Variants in DNHD1 observed in about 807,000 individuals in gnomAD.
DNHD1 encodes dynein heavy chain domain 1.
In DNHD1, 383 loss-of-function variants were observed where a neutral mutation model predicts 458.1. The observed-to-expected ratio is 0.84, with a 90% CI of 0.77 to 0.91. DNHD1 has a LOEUF of 0.91. Ranked by LOEUF, DNHD1 falls within the 40% of genes least tolerant of loss-of-function variation. DNHD1 has a pLI of 0.00. For missense variants in DNHD1, 5,336 were observed against 5,866.1 expected, an observed-to-expected ratio of 0.91 and a Z score of 2.95; for synonymous variants, 2,203 against 2,376.9, an observed-to-expected ratio of 0.93 and a Z score of 2.13.
chr11:6,516,855 T>G (rs1852480948), intron 7 of DNHD1, among the ~76,000 whole-genome samples: 3 of 152,204 alleles, frequency 2.0e-5, no homozygotes, highest in South Asian at 4.1e-4. Context: ...TTCCCTTCTC[T>G]CTTCCTCCCT....
In DNHD1 at chr11:6,563,913, C is replaced by G. The variant is rs149275845; in HGVS notation, c.10073C>G (p.Thr3358Ser). Residue 3358 changes from threonine to serine, a missense_variant, in exon 31 of 43, where the codon ACT becomes AGT. Transcript: ENST00000254579. ...CTGCAGCAAGTGGAGGCAACACTCA[C>G]TCGGGAGCAGGCCCGCCTGGGCTAC... The part of the protein sequence containing the change: ...LLLQQVEATL[T>S]REQARLGYYQ... 335 of 1,551,716 alleles carry G rather than the reference C, an allele frequency of 2.2e-4. 2 individuals carry two copies. The East Asian group carries it at 8.0e-3, about 37-fold the overall frequency.
At chr11:6,537,886 A>G (rs1439527339) in intron 14 of DNHD1, among the ~76,000 whole-genome samples, 1 of 152,108 alleles carries the variant, frequency 6.6e-6, no homozygotes, top group Non-Finnish European at 1.5e-5. Flanking sequence ...AGCCGAGATC[A>G]CGCCACTGCA....
At position 6,567,549 on chromosome 11, in the gene DNHD1, C is replaced by A. The variant is rs199834293; in HGVS notation, c.12040C>A (p.Gln4014Lys). Residue 4014 changes from glutamine (Q) to lysine (K), a missense_variant, in exon 36 of 43, where the codon CAG becomes AAG. Physicochemically the swap from Gln to Lys is moderately conservative, Grantham distance 53 (BLOSUM62 1). Transcript: ENST00000254579. ...ASLAGHSSAW[Q>K]AYLSLSSTVL... ...CCTGGCAGGCCACTCCAGTGCTTGG[C>A]AGGCTTACCTGTCACTGTCATCCAC... 53 of 1,612,820 alleles carry A rather than the reference C, an allele frequency of 3.3e-5. No individual in the cohort carries two copies. The highest frequency in any genetic ancestry group is 4.4e-5 in the Non-Finnish European group (52 of 1,179,446).
chr11:6,531,244 C>T (rs528424531), intron 12 of DNHD1, among the ~76,000 whole-genome samples: 2 of 152,264 alleles, frequency 1.3e-5, no homozygotes, highest in African/African-American at 2.4e-5. Flanking sequence ...CAACAAATGG[C>T]GTAATTATAC....
chr11:6,570,686 C>T lies in DNHD1; in HGVS notation c.13174C>T (p.Pro4392Ser). 2 of 1,611,854 alleles carry T rather than the reference C, an allele frequency of 1.2e-6. No homozygotes were observed. The highest frequency in any genetic ancestry group is 1.7e-6 in the Non-Finnish European group (2 of 1,179,040). The change falls in exon 42 of 43, where the codon CCC becomes TCC. Residue 4392 changes from proline (P) to serine (S), a missense_variant. By Grantham distance (74) the Pro-to-Ser change is moderately conservative. Around this residue, in one of 4 missense-constraint regions of DNHD1, gnomAD observed 698 missense variants for 664.9 expected, o/e 1.05. Coordinates refer to ENST00000254579, the MANE Select transcript of DNHD1 (RefSeq NM_144666.3). ...QMHLLPSPPEPRLCGLSEGPQ... is the reference protein window; with the variant it reads ...QMHLLPSPPESRLCGLSEGPQ... ...GCACCTACTGCCCTCACCACCTGAA[C>T]CCCGGCTCTGCGGACTGAGTGAGGG... is the stretch of plus-strand genomic sequence containing the variant.
intron 7 of DNHD1, among the ~76,000 whole-genome samples, chr11:6,514,626 G>A (rs1299359787): frequency 6.7e-6 from 1 of 148,246 alleles, no homozygotes; most frequent in Admixed American, 6.8e-5. Flanking sequence ...AAACTTATTA[G>A]AATTGTAAAG....
In DNHD1 at chr11:6,539,242, A is replaced by G; in HGVS notation, c.3349A>G (p.Thr1117Ala). ...LRALGLGSLQ[T>A]IELLTLGQLL... Reference sequence around the variant, plus strand: ...AGCCCTTGGGCTGGGCAGTCTCCAAACTATAGAACTCCTAACGCTGGGCCA... The same window carrying G: ...AGCCCTTGGGCTGGGCAGTCTCCAAGCTATAGAACTCCTAACGCTGGGCCA... The change falls in exon 17 of 43, where the codon ACT (threonine) becomes GCT (alanine). Residue 1117 changes from threonine to alanine, a missense_variant. By Grantham distance (58) the Thr-to-Ala change is moderately conservative. Coordinates refer to ENST00000254579, the MANE Select transcript of DNHD1 (RefSeq NM_144666.3). 6.4e-7 allele frequency: 1 copy of G among 1,551,538 alleles called. No individual in the cohort carries two copies. Among genetic ancestry groups the G allele is most frequent in the East Asian group, 2.4e-5 (1 of 40,900 alleles).
chr11:6,569,334 T>C (rs976345345), intron 39 of DNHD1, among the ~76,000 whole-genome samples: 5 of 152,042 alleles, frequency 3.3e-5, no homozygotes, highest in African/African-American at 1.2e-4. Context: ...ATACAAAAAC[T>C]TAGCCAGGCA....
At chr11:6,511,083 A>G (rs1852327647) in intron 6 of DNHD1, among the ~76,000 whole-genome samples, 190 bp from the exon 7 acceptor site, 1 of 152,230 alleles carries the variant, frequency 6.6e-6, no homozygotes, top group Admixed American at 6.5e-5. Context: ...TAGCTGAGAA[A>G]GCAGCTTTAT....
intron 10 of DNHD1, 62 bp downstream of exon 10, chr11:6,520,351 A>T: frequency 6.4e-7 from 1 of 1,550,934 alleles, no homozygotes; most frequent in Non-Finnish European, 8.7e-7. Flanking sequence ...CACAAGTACT[A>T]ATGGCATGGG....
intron 12 of DNHD1, among the ~76,000 whole-genome samples, chr11:6,530,247 A>G (rs1852798621): frequency 6.6e-6 from 1 of 152,162 alleles, no homozygotes; most frequent in Non-Finnish European, 1.5e-5. Context: ...AACCCATCTC[A>G]GGTTCCCTCC....
rs189170609 is a variant in DNHD1, at chr11:6,507,109, C to G, written c.921-1771C>G. On this transcript the variant is annotated intron_variant, in intron 4 of 42. Coordinates refer to ENST00000254579, the MANE Select transcript of DNHD1 (RefSeq NM_144666.3). The stretch of plus-strand genomic sequence containing the variant: ...CTACTCTCTAGTATCATGTCATACT[C>G]CAGTTGATTCTGAGCCCTTTGAGGA... Among the ~76,000 whole-genome samples, 26 of 152,286 alleles carry G rather than the reference C, an allele frequency of 1.7e-4. No homozygotes were observed. The East Asian group carries it at 5.0e-3, about 29-fold the overall frequency.
intron 10 of DNHD1, 149 bp downstream of exon 10, chr11:6,520,438 AT>A (rs1218389290): frequency 6.7e-7 from 1 of 1,487,676 alleles, no homozygotes. Flanking sequence ...TACTGCACAT[AT>A]GTGTTGTGGG....
intron 10 of DNHD1, among the ~76,000 whole-genome samples, chr11:6,526,078 A>T (rs1240362923): frequency 6.6e-6 from 1 of 151,854 alleles, no homozygotes; most frequent in Non-Finnish European, 1.5e-5. Flanking sequence ...GATACATTAG[A>T]TCCTTATCAC....
chr11:6,553,560 T>G (rs1306106011), intron 24 of DNHD1, among the ~76,000 whole-genome samples: 5 of 152,298 alleles, frequency 3.3e-5, no homozygotes, highest in Admixed American at 3.3e-4. Flanking sequence ...TGTATTGGCA[T>G]GTAATATGAT....
rs1486963425 is a variant in DNHD1 at position 6,558,277 on chromosome 11, G to A, written c.8982G>A (p.Lys2994=). 6.4e-7 allele frequency: 1 copy of A among 1,551,400 alleles called. No homozygotes were observed. Residue 2994 remains lysine (K), a synonymous_variant, in exon 25 of 43, where the codon AAG becomes AAA. Coordinates refer to ENST00000254579, the MANE Select transcript of DNHD1 (RefSeq NM_144666.3). ...ACCTTGGTGTCAAACAGAACATCAA[G>A]AAGGAAATGGTGTTGCAGAGGTGAG... ...RENLGVKQNI[K]KEMVLQRFHQ...
At position 6,570,609 on chromosome 11, in the gene DNHD1, A is replaced by G; in HGVS notation, c.13106-9A>G. ...ATCTTGTCCCTCACCCCTCACCTCT[A>G]TCCCCAAGAGCTAAGGGAGCTGGAT... On this transcript the variant is annotated splice_polypyrimidine_tract_variant and intron_variant, in intron 41 of 42. Transcript: ENST00000254579. The G allele has an allele frequency of 6.3e-7, 1 of 1,593,384 alleles. No homozygotes were observed. The highest frequency in any genetic ancestry group is 8.6e-7 in the Non-Finnish European group (1 of 1,168,826).
chr11:6,545,576 T>C lies in DNHD1; in HGVS notation c.4637T>C (p.Leu1546Pro). The C allele has an allele frequency of 1.3e-6, 2 of 1,552,060 alleles. No homozygotes were observed. The highest frequency in any genetic ancestry group is 1.2e-5 in the South Asian group (1 of 84,066). Reference protein sequence around the residue: ...VSMHMRKLEVLVNFMRAQRAS... With the variant: ...VSMHMRKLEVPVNFMRAQRAS... ...ATGCATATGCGCAAGCTTGAGGTACTGGTGAATTTTATGCGGGCCCAGAGG... is the reference window on the plus strand; with the variant it reads ...ATGCATATGCGCAAGCTTGAGGTACCGGTGAATTTTATGCGGGCCCAGAGG... Residue 1546 changes from leucine to proline, a missense_variant, in exon 21 of 43, where the codon CTG (leucine) becomes CCG (proline). Physicochemically the swap from Leu to Pro is moderately conservative, Grantham distance 98. Transcript: ENST00000254579. The surrounding 1 kb of genome is among the most constrained non-coding windows in gnomAD (Gnocchi z 4.9).
chr11:6,520,159 G>A (rs1419333123), intron 9 of DNHD1, 57 bp downstream of exon 9: 1 of 1,612,566 alleles, frequency 6.2e-7, no homozygotes, highest in South Asian at 1.1e-5. Flanking sequence ...TATCCTCTGA[G>A]TAATCAGAAG....
Sources: allele counts gnomAD v4.1 joint callset (sites outside exome capture counted in the v4.1 genomes callset), GRCh38; gene constraint gnomAD v4.1.1; regional missense constraint gnomAD v4.1.1; non-coding constraint Gnocchi (gnomAD v3.1); transcripts MANE v1.5; gene names NCBI Gene and HGNC (gene_info 2026-07-23, HGNC 2026-07-21).